MYO1E: variants seen among roughly 807,000 people sequenced by gnomAD.
MYO1E encodes myosin IE.
A neutral mutation model predicts 151.1 loss-of-function variants in MYO1E; 68 were observed. The ratio of observed to expected loss-of-function variants is 0.45; its 90% confidence interval spans 0.37 to 0.55. MYO1E has a LOEUF of 0.55. MYO1E is among the 20% of genes least tolerant of loss of function. The pLI, the probability that MYO1E is intolerant of heterozygous loss-of-function variation, is 0.00. For missense variants in MYO1E, 1,363 were observed against 1,389.3 expected, an observed-to-expected ratio of 0.98 and a Z score of 0.30; for synonymous variants, 601 against 501.7, an observed-to-expected ratio of 1.20 and a Z score of -2.64.
chr15:59,222,070 C>T (rs2079959581), intron 9 of MYO1E, among the ~76,000 whole-genome samples: 1 of 152,182 alleles, frequency 6.6e-6, no homozygotes, highest in South Asian at 2.1e-4. Context: ...TTGTTTTCTA[C>T]TCCCTTCCCT....
chr15:59,160,297 A>T (rs2079530117), intron 24 of MYO1E, among the ~76,000 whole-genome samples: 1 of 150,990 alleles, frequency 6.6e-6, no homozygotes, highest in Non-Finnish European at 1.5e-5. Flanking sequence ...TACAAAAATA[A>T]AGGCCAGGGA....
chr15:59,347,077 G>A (rs1001992019), intron 1 of MYO1E, among the ~76,000 whole-genome samples: 13 of 152,122 alleles, frequency 8.5e-5, no homozygotes, highest in African/African-American at 2.9e-4. Flanking sequence ...TCTAGAGCAC[G>A]GGTTCCCAAC....
intron 1 of MYO1E, among the ~76,000 whole-genome samples, chr15:59,299,837 C>T (rs2080471548): frequency 6.6e-6 from 1 of 152,158 alleles, no homozygotes; most frequent in Admixed American, 6.5e-5. Flanking sequence ...CTCTAATCAT[C>T]ATTTATGCCA....
rs188820369 is a variant in MYO1E, at chr15:59,143,426, T to C, written c.3081-5059A>G. ...AAGGGCAACACTGATGCTGCCACCA[T>C]TGGCTCTGTCTTGTGACCACAAAGA... On this transcript the variant is annotated intron_variant, in intron 26 of 27. Coordinates refer to ENST00000288235, the MANE Select transcript of MYO1E (RefSeq NM_004998.4). Among the ~76,000 whole-genome samples, 16 of 152,286 alleles carry C rather than the reference T, an allele frequency of 1.1e-4. No individual in the cohort carries two copies. In the East Asian group the frequency reaches 2.3e-3, roughly 22 times the overall value.
At chr15:59,293,174 C>G (rs1046221938) in intron 1 of MYO1E, among the ~76,000 whole-genome samples, 2 of 152,194 alleles carry the variant, frequency 1.3e-5, no homozygotes, top group Non-Finnish European at 1.5e-5. Flanking sequence ...TCACCCCCAT[C>G]TACCAGATGG....
At chr15:59,345,105 T>C (rs890262820) in intron 1 of MYO1E, among the ~76,000 whole-genome samples, 1 of 151,956 alleles carries the variant, frequency 6.6e-6, no homozygotes, top group Non-Finnish European at 1.5e-5. Context: ...AAGAGCCACT[T>C]CTCCCTGAAG....
rs1463005211 is a variant in MYO1E at position 59,335,373 on chromosome 15, A to G, written c.3+37125T>C. On this transcript the variant is annotated intron_variant, in intron 1 of 27. Transcript: ENST00000288235. ...GCTGGCAAGCGCAGGCTGCTACAGT[A>G]TGAGATGTAATCTGCCAAATACCAC... 2.6e-5 allele frequency among the ~76,000 whole-genome samples: 4 copies of G among 152,204 alleles called. 1 individual carries two copies. The highest frequency in any genetic ancestry group is 5.9e-5 in the Non-Finnish European group (4 of 68,048).
At chr15:59,195,292 C>T (rs769214409) in intron 17 of MYO1E, among the ~76,000 whole-genome samples, 169 bp downstream of exon 17, 1 of 152,148 alleles carries the variant, frequency 6.6e-6, no homozygotes, top group Non-Finnish European at 1.5e-5. Flanking sequence ...TAGCAAATGA[C>T]ACGGAGGGGA....
At chr15:59,371,965 C>A (rs2140448297) in intron 1 of MYO1E, among the ~76,000 whole-genome samples, 1 of 149,818 alleles carries the variant, frequency 6.7e-6, no homozygotes, top group Non-Finnish European at 1.5e-5. Context: ...AGGGACCGCC[C>A]CCGCCCGCGT....
Position 59,160,753 on chromosome 15 carries a change from T to C in MYO1E, c.2785+320A>G, listed in dbSNP as rs531659769. Among the ~76,000 whole-genome samples the C allele has an allele frequency of 2.0e-3, 301 of 152,008 alleles. 1 individual carries two copies. The highest frequency in any genetic ancestry group is 2.4e-3 in the Non-Finnish European group (161 of 67,958). ...TCTTTAAAGGTGGCATAGAGGATGA[T>C]GTTGGTATTGTGGACAAGATCTGAC... On this transcript the variant is annotated intron_variant, in intron 24 of 27. Transcript: ENST00000288235.
At chr15:59,164,554 A>G (rs2079554071) in intron 22 of MYO1E, among the ~76,000 whole-genome samples, 1 of 152,190 alleles carries the variant, frequency 6.6e-6, no homozygotes, top group Non-Finnish European at 1.5e-5. Flanking sequence ...CCAGATGATG[A>G]GGCAAGGGGA....
chr15:59,186,435 C>T lies in MYO1E; in HGVS notation c.1904+1683G>A, dbSNP rs2079698336. Among the ~76,000 whole-genome samples, 8 of 151,792 alleles carry T rather than the reference C, an allele frequency of 5.3e-5. No individual in the cohort carries two copies. The South Asian group carries it at 1.7e-3, about 32-fold the overall frequency. On this transcript the variant is annotated intron_variant, in intron 18 of 27. Coordinates refer to ENST00000288235, the MANE Select transcript of MYO1E (RefSeq NM_004998.4). ...AAAAAAACATTATATCCAGCCCCTG[C>T]ATAATATATCAGGAAGATGTAATTG...
chr15:59,336,540 C>G (rs1596426117), intron 1 of MYO1E, among the ~76,000 whole-genome samples: 2 of 152,110 alleles, frequency 1.3e-5, no homozygotes, highest in African/African-American at 4.8e-5. Flanking sequence ...GTTGGATCAT[C>G]TGAGAATTCT....
intron 4 of MYO1E, among the ~76,000 whole-genome samples, chr15:59,245,197 A>T (rs1312561983): frequency 6.6e-6 from 1 of 152,200 alleles, no homozygotes; most frequent in African/African-American, 2.4e-5. Flanking sequence ...AGGTTCCTGA[A>T]ATACATCAAA....
intron 5 of MYO1E, among the ~76,000 whole-genome samples, chr15:59,236,259 C>G (rs1246141485): frequency 6.6e-6 from 1 of 151,634 alleles, no homozygotes; most frequent in Non-Finnish European, 1.5e-5. Flanking sequence ...AGGAGAATCT[C>G]TTGAACCCGG....
chr15:59,219,273 C>G (rs2079939290), intron 9 of MYO1E, among the ~76,000 whole-genome samples: 1 of 152,114 alleles, frequency 6.6e-6, no homozygotes, highest in Admixed American at 6.6e-5. Flanking sequence ...ATAAATGACA[C>G]CATTCTTTGA....
intron 1 of MYO1E, among the ~76,000 whole-genome samples, chr15:59,352,871 C>G (rs1189216508): frequency 2.0e-5 from 3 of 152,186 alleles, no homozygotes; most frequent in African/African-American, 7.2e-5. Context: ...ATTGAAAACT[C>G]TTTATCACCA....
chr15:59,153,884 G>A (rs1262095898), intron 25 of MYO1E, 93 bp from the exon 26 acceptor site: 10 of 1,209,848 alleles, frequency 8.3e-6, no homozygotes, highest in Non-Finnish European at 8.5e-6. Context: ...TACAAGGGCA[G>A]CTTACTTAAC....
intron 26 of MYO1E, among the ~76,000 whole-genome samples, chr15:59,151,580 A>G (rs1485877965): frequency 6.6e-6 from 1 of 152,202 alleles, no homozygotes; most frequent in Non-Finnish European, 1.5e-5. Context: ...CTTTAGAAGG[A>G]AGCTGCCAAG....
Sources: gnomAD v4.1 joint callset for allele counts (sites outside exome capture counted in the v4.1 genomes callset) on GRCh38, gnomAD v4.1.1 for gene constraint, MANE v1.5 for transcripts, NCBI Gene and HGNC (gene_info 2026-07-23, HGNC 2026-07-21) for gene names.